Variants in PKD2 observed in about 807,000 individuals in gnomAD.
The protein encoded by PKD2 is polycystin-2.
In PKD2, 48 loss-of-function variants were observed where a neutral mutation model predicts 105.9. The observed-to-expected ratio is 0.45, with a 90% CI of 0.36 to 0.58. The LOEUF is 0.58. Ranked by LOEUF, PKD2 falls within the 20% of genes least tolerant of loss-of-function variation. The probability of loss-of-function intolerance (pLI) is 0.00; values close to 1 mark genes in which losing one functional copy is unlikely to be tolerated. For synonymous variants in PKD2, 464 were observed against 481.1 expected (o/e 0.96, Z 0.46); for missense variants, 1,078 against 1,255.3 (o/e 0.86, Z 2.13).
intron 13 of PKD2, 113 bp from the exon 14 acceptor site, chr4:88,074,699 C>G: frequency 9.0e-7 from 1 of 1,110,918 alleles, no homozygotes; most frequent in Non-Finnish European, 1.4e-6. Context: ...GAAAGTGTTT[C>G]AAATGATTGT....
At chr4:88,065,563 G>A in intron 11 of PKD2, 68 bp downstream of exon 11, 2 of 1,507,002 alleles carry the variant, frequency 1.3e-6, no homozygotes, top group South Asian at 2.3e-5. Context: ...GGTGATAAGA[G>A]TATTTCTAGC....
chr4:88,012,317 T>A (rs968025213), intron 1 of PKD2, among the ~76,000 whole-genome samples: 1 of 152,244 alleles, frequency 6.6e-6, no homozygotes, highest in Admixed American at 6.5e-5. Flanking sequence ...AACTATTAGA[T>A]GTTGCAGTCA....
At chr4:88,037,995 G>A (rs1257894927) in intron 3 of PKD2, among the ~76,000 whole-genome samples, 1 of 152,198 alleles carries the variant, frequency 6.6e-6, no homozygotes, top group African/African-American at 2.4e-5. Flanking sequence ...CCCACTCTGT[G>A]CCAGGTGCAG....
At chr4:88,069,024 T>A (rs1227462794) in intron 13 of PKD2, among the ~76,000 whole-genome samples, 2 of 152,244 alleles carry the variant, frequency 1.3e-5, no homozygotes, top group East Asian at 3.8e-4. Flanking sequence ...GAATTGACCC[T>A]GTTTTCATTA....
At chr4:88,071,667 T>A (rs1271165484) in intron 13 of PKD2, among the ~76,000 whole-genome samples, 2 of 152,172 alleles carry the variant, frequency 1.3e-5, no homozygotes, top group Non-Finnish European at 2.9e-5. Flanking sequence ...TATTTCTCTT[T>A]GCTTGTTTAC....
intron 1 of PKD2, among the ~76,000 whole-genome samples, chr4:88,010,448 C>T (rs1205221974): frequency 6.6e-6 from 1 of 152,138 alleles, no homozygotes; most frequent in Admixed American, 6.5e-5. Flanking sequence ...TTCCTATGGA[C>T]AAAAACCCAG....
intron 5 of PKD2, among the ~76,000 whole-genome samples, chr4:88,045,383 AAAGG>A (rs936599631): frequency 6.6e-6 from 1 of 152,234 alleles, no homozygotes; most frequent in Non-Finnish European, 1.5e-5. Context: ...CTGACAATGA[AAAGG>A]AAGGAAAATT....
At chr4:88,020,066 G>A (rs1301163102) in intron 2 of PKD2, among the ~76,000 whole-genome samples, 9 of 152,046 alleles carry the variant, frequency 5.9e-5, no homozygotes, top group Admixed American at 4.6e-4. Context: ...TGAGATACGC[G>A]TGGCAACTTG....
At chr4:88,016,498 G>T (rs187963559) in intron 1 of PKD2, among the ~76,000 whole-genome samples, 2 of 152,250 alleles carry the variant, frequency 1.3e-5, no homozygotes, top group Admixed American at 1.3e-4. Flanking sequence ...ATAGTTGGCT[G>T]CAGGACAGCT....
intron 8 of PKD2, 47 bp from the exon 9 acceptor site, chr4:88,057,935 TG>T: frequency 7.0e-7 from 1 of 1,430,104 alleles, no homozygotes; most frequent in Non-Finnish European, 9.9e-7. Context: ...CATCAACTAG[TG>T]GACATTCTTT....
At chr4:88,034,898 A>G (rs990082672) in intron 2 of PKD2, among the ~76,000 whole-genome samples, 2 of 151,404 alleles carry the variant, frequency 1.3e-5, no homozygotes, top group African/African-American at 2.5e-5. Context: ...TATAGGAATT[A>G]TATTATACCT....
chr4:88,056,652 A>G (rs1159311242), intron 8 of PKD2, among the ~76,000 whole-genome samples: 1 of 152,348 alleles, frequency 6.6e-6, no homozygotes, highest in Non-Finnish European at 1.5e-5. Context: ...AAGGAAAAAA[A>G]CAAGATATTT....
intron 6 of PKD2, among the ~76,000 whole-genome samples, chr4:88,048,064 G>C (rs1022435795): frequency 6.6e-6 from 1 of 152,026 alleles, no homozygotes; most frequent in Non-Finnish European, 1.5e-5. Context: ...GTAACATTTC[G>C]CTAAGTCCAG....
chr4:88,074,095 A>G (rs1721137049), intron 13 of PKD2, among the ~76,000 whole-genome samples: 1 of 152,092 alleles, frequency 6.6e-6, no homozygotes, highest in Non-Finnish European at 1.5e-5. Flanking sequence ...TATTGTATGG[A>G]TGAACAATGA....
At chr4:88,012,732 C>G (rs939495223) in intron 1 of PKD2, among the ~76,000 whole-genome samples, 2 of 152,140 alleles carry the variant, frequency 1.3e-5, no homozygotes, top group South Asian at 2.1e-4. Flanking sequence ...TGTTTCCCCA[C>G]TCCCCCTTGC....
At chr4:88,012,883 C>CTATTTTT in intron 1 of PKD2, among the ~76,000 whole-genome samples, 1 of 152,072 alleles carries the variant, frequency 6.6e-6, no homozygotes, top group Non-Finnish European at 1.5e-5. Flanking sequence ...AAGGTTTATC[C>CTATTTTT]ATGCGTGCAA....
chr4:88,019,357 A>G (rs1474961841), intron 1 of PKD2, 101 bp from the exon 2 acceptor site: 4 of 691,740 alleles, frequency 5.8e-6, no homozygotes, highest in South Asian at 1.7e-5. Flanking sequence ...AATCTCCCTT[A>G]TAGGTGAACT....
intron 13 of PKD2, among the ~76,000 whole-genome samples, chr4:88,074,562 T>C (rs1198922839): frequency 1.3e-5 from 2 of 152,220 alleles, no homozygotes; most frequent in Non-Finnish European, 2.9e-5. Flanking sequence ...AAATGGAATG[T>C]CTAACTAAAG....
At chr4:88,051,380 G>A (rs1409632175) in intron 6 of PKD2, among the ~76,000 whole-genome samples, 1 of 151,978 alleles carries the variant, frequency 6.6e-6, no homozygotes, top group Non-Finnish European at 1.5e-5. Flanking sequence ...GTAGTTTTTT[G>A]TATTATTTAA....
Sources: allele counts gnomAD v4.1 joint callset (sites outside exome capture counted in the v4.1 genomes callset), GRCh38; gene constraint gnomAD v4.1.1; transcripts MANE v1.5; gene names NCBI Gene and HGNC (gene_info 2026-07-23, HGNC 2026-07-21).